BANK1: variants seen among roughly 807,000 people sequenced by gnomAD.
The protein encoded by BANK1 is B cell scaffold protein with ankyrin repeats 1, also known as B-cell scaffold protein with ankyrin repeats.
In BANK1, 95 loss-of-function variants were observed where a neutral mutation model predicts 94.5. The ratio of observed to expected loss-of-function variants is 1.00; its 90% CI spans 0.85 to 1.19. BANK1 has a LOEUF of 1.19. Ranked by LOEUF, BANK1 falls within the 50% of genes most tolerant of loss-of-function variation. The pLI, the probability that BANK1 is intolerant of heterozygous loss-of-function variation, is 0.00. For missense variants in BANK1, 987 were observed against 932.2 expected (o/e 1.06, Z -0.77); for synonymous variants, 334 against 308.4 (o/e 1.08, Z -0.87).
At chr4:101,968,055 C>T (rs1724822590) in intron 7 of BANK1, among the ~76,000 whole-genome samples, 1 of 151,866 alleles carries the variant, frequency 6.6e-6, no homozygotes, top group African/African-American at 2.4e-5. Flanking sequence ...AGAAAATGTG[C>T]ACAGAAAAGT....
chr4:101,936,966 A>C (rs1270197802), intron 7 of BANK1, among the ~76,000 whole-genome samples: 2 of 151,592 alleles, frequency 1.3e-5, no homozygotes, highest in African/African-American at 4.8e-5. Flanking sequence ...CCCAAAAGAA[A>C]GGAAATCAGT....
chr4:102,072,387 A>T lies in BANK1; in HGVS notation c.2285A>T (p.His762Leu). The change falls in exon 15 of 17, where the codon CAC (histidine) becomes CTC (leucine). Residue 762 changes from histidine to leucine, a missense_variant. Coordinates refer to ENST00000322953, the MANE Select transcript of BANK1 (RefSeq NM_017935.5). The part of the protein sequence containing the change: ...AHNENKFYNV[H>L]FSNKLPARPQ... ...AATGAAAATAAGTTTTATAATGTAC[A>T]CTTCAGCAATAAGGTAGGTTGTATT... The T allele has an allele frequency of 6.3e-7, 1 of 1,595,202 alleles. No homozygotes were observed.
At chr4:101,901,414 C>T (rs145527622) in intron 6 of BANK1, among the ~76,000 whole-genome samples, 103 of 152,250 alleles carry the variant, frequency 6.8e-4, no homozygotes, top group African/African-American at 2.3e-3. Context: ...CAATTGACTG[C>T]TTTTTTGCTC....
chr4:101,820,197 C>A (rs1726086326), intron 1 of BANK1, among the ~76,000 whole-genome samples: 1 of 152,182 alleles, frequency 6.6e-6, no homozygotes, highest in South Asian at 2.1e-4. Context: ...TCAGTCAGAT[C>A]CAATCTTCTG....
At chr4:101,853,339 T>C (rs1397255378) in intron 2 of BANK1, among the ~76,000 whole-genome samples, 1 of 152,236 alleles carries the variant, frequency 6.6e-6, no homozygotes, top group African/African-American at 2.4e-5. Flanking sequence ...TATATGGAGC[T>C]GGTGACTTCT....
At chr4:102,050,025 C>T (rs770382608) in intron 11 of BANK1, among the ~76,000 whole-genome samples, 1 of 152,186 alleles carries the variant, frequency 6.6e-6, no homozygotes, top group African/African-American at 2.4e-5. Flanking sequence ...GAGACACTAA[C>T]CCCATAACCA....
At chr4:102,002,066 A>G (rs1469688531) in intron 7 of BANK1, among the ~76,000 whole-genome samples, 2 of 152,224 alleles carry the variant, frequency 1.3e-5, no homozygotes, top group African/African-American at 2.4e-5. Context: ...GCTTCATGCC[A>G]TATAAACATA....
chr4:101,798,359 TTC>T (rs766749110), intron 1 of BANK1, among the ~76,000 whole-genome samples: 10 of 152,174 alleles, frequency 6.6e-5, no homozygotes, highest in Non-Finnish European at 1.2e-4. Context: ...AATTTAATTG[TTC>T]TCAAAAGCCG....
intron 7 of BANK1, among the ~76,000 whole-genome samples, chr4:101,963,523 CTAACTGGG>C (rs1724641439): frequency 6.6e-6 from 1 of 152,072 alleles, no homozygotes; most frequent in Admixed American, 6.6e-5. Context: ...ATTATATTTT[CTAACTGGG>C]TATTAGTAGC....
intron 10 of BANK1, among the ~76,000 whole-genome samples, chr4:102,032,628 A>G (rs1189178694): frequency 6.6e-6 from 1 of 152,038 alleles, no homozygotes; most frequent in East Asian, 1.9e-4. Flanking sequence ...CATGTCTGTA[A>G]TCCCAGCACT....
chr4:101,973,656 A>G (rs1002354683), intron 7 of BANK1, among the ~76,000 whole-genome samples: 2 of 152,074 alleles, frequency 1.3e-5, no homozygotes, highest in Non-Finnish European at 2.9e-5. Flanking sequence ...TAAGTTTTTG[A>G]GTTCCCTGGC....
intron 6 of BANK1, among the ~76,000 whole-genome samples, chr4:101,909,431 T>C (rs1388393416): frequency 2.0e-5 from 3 of 152,148 alleles, no homozygotes; most frequent in African/African-American, 4.8e-5. Context: ...TTAGGAGATA[T>C]ACCTAATGTA....
chr4:102,063,265 AG>A (rs1728484996), intron 13 of BANK1, 127 bp downstream of exon 13: 1 of 783,980 alleles, frequency 1.3e-6, no homozygotes, highest in African/African-American at 1.8e-5. Flanking sequence ...TAACCTGGAG[AG>A]GGTCTTAATC....
At chr4:102,025,626 GCAA>G in intron 9 of BANK1, 117 bp downstream of exon 9, 1 of 924,384 alleles carries the variant, frequency 1.1e-6, no homozygotes. Flanking sequence ...GAAACCAATA[GCAA>G]CATTCTTCCT....
At chr4:102,058,832 A>T (rs931107204) in intron 11 of BANK1, among the ~76,000 whole-genome samples, 8 of 151,802 alleles carry the variant, frequency 5.3e-5, no homozygotes, top group African/African-American at 9.7e-5. Flanking sequence ...ATAATAATAA[A>T]AATAAAGAAG....
chr4:101,936,361 A>G (rs1723550678), intron 7 of BANK1, among the ~76,000 whole-genome samples: 1 of 150,370 alleles, frequency 6.7e-6, no homozygotes, highest in Non-Finnish European at 1.5e-5. Context: ...GTATACATAC[A>G]TGCATATATG....
intron 7 of BANK1, among the ~76,000 whole-genome samples, chr4:101,999,048 C>T (rs1363339481): frequency 6.6e-6 from 1 of 152,118 alleles, no homozygotes; most frequent in African/African-American, 2.4e-5. Flanking sequence ...TTTGGCTGAA[C>T]ATAAAAATCT....
At chr4:101,936,988 A>G (rs957250084) in intron 7 of BANK1, among the ~76,000 whole-genome samples, 1 of 151,652 alleles carries the variant, frequency 6.6e-6, no homozygotes, top group Non-Finnish European at 1.5e-5. Flanking sequence ...TTTTGAAGAG[A>G]TAACTGCACT....
intron 11 of BANK1, among the ~76,000 whole-genome samples, chr4:102,047,292 G>T (rs1024154084): frequency 1.3e-5 from 2 of 152,078 alleles, no homozygotes; most frequent in Non-Finnish European, 2.9e-5. Flanking sequence ...CACGGTGTTT[G>T]AATGCAACAC....
Sources: allele counts gnomAD v4.1 joint callset (sites outside exome capture counted in the v4.1 genomes callset), GRCh38; gene constraint gnomAD v4.1.1; transcripts MANE v1.5; gene names NCBI Gene and HGNC (gene_info 2026-07-23, HGNC 2026-07-21).